CYP2C18: variants seen among roughly 807,000 people sequenced by gnomAD.
CYP2C18 encodes the protein cytochrome P450 2C18.
CYP2C18 carries 38 observed loss-of-function variants against 41.3 expected under a neutral mutation model. The observed-to-expected ratio is 0.92, with a 90% confidence interval of 0.71 to 1.21. CYP2C18 has a LOEUF of 1.21. CYP2C18 is among the 50% of genes most tolerant of loss of function. The pLI is 0.00. For synonymous variants in CYP2C18, 236 were observed against 210.0 expected (o/e 1.12, Z -1.07); for missense variants, 635 against 591.4 (o/e 1.07, Z -0.77).
At chr10:94,727,934 C>T (rs555055172) in intron 7 of CYP2C18, among the ~76,000 whole-genome samples, 1 of 152,208 alleles carries the variant, frequency 6.6e-6, no homozygotes, top group African/African-American at 2.4e-5. Flanking sequence ...CTTTCTCCTA[C>T]ATAATAATAA....
At chr10:94,701,236 T>C (rs978135932) in intron 4 of CYP2C18, among the ~76,000 whole-genome samples, 5 of 152,150 alleles carry the variant, frequency 3.3e-5, no homozygotes, top group Admixed American at 6.5e-5. Context: ...CCAACAATGA[T>C]AGATTGGATT....
chr10:94,698,121 C>T (rs547896396), intron 4 of CYP2C18, among the ~76,000 whole-genome samples: 1 of 152,288 alleles, frequency 6.6e-6, no homozygotes, highest in South Asian at 2.1e-4. Context: ...CAGCTCTGCA[C>T]CAAGCAGACC....
chr10:94,699,431 C>G (rs552635086), intron 4 of CYP2C18, among the ~76,000 whole-genome samples: 27 of 152,256 alleles, frequency 1.8e-4, no homozygotes, highest in Admixed American at 9.8e-4. Context: ...ATTCAACAAC[C>G]CTTCATGCTA....
At chr10:94,695,206 AT>A in intron 4 of CYP2C18, 129 bp downstream of exon 4, 1 of 769,894 alleles carries the variant, frequency 1.3e-6, no homozygotes. Context: ...GGTTTGTCAC[AT>A]GGGTATACAT....
chr10:94,695,677 G>A (rs1847103018), intron 4 of CYP2C18, among the ~76,000 whole-genome samples: 1 of 152,024 alleles, frequency 6.6e-6, no homozygotes, highest in Admixed American at 6.6e-5. Flanking sequence ...GCCAAAGCAG[G>A]GTGAGGCATT....
intron 4 of CYP2C18, among the ~76,000 whole-genome samples, chr10:94,700,535 A>G (rs183024836): frequency 1.2e-3 from 187 of 152,350 alleles, no homozygotes; most frequent in African/African-American, 4.3e-3. Flanking sequence ...AAGAAAACCT[A>G]GGCAATACCA....
At chr10:94,728,269 A>C (rs1847775423) in intron 7 of CYP2C18, among the ~76,000 whole-genome samples, 1 of 152,110 alleles carries the variant, frequency 6.6e-6, no homozygotes, top group African/African-American at 2.4e-5. Context: ...TTTTGGCAAG[A>C]AAGTTACATA....
intron 4 of CYP2C18, among the ~76,000 whole-genome samples, chr10:94,706,411 A>G (rs2134190607): frequency 6.6e-6 from 1 of 152,246 alleles, no homozygotes; most frequent in African/African-American, 2.4e-5. Context: ...GATCTATTTC[A>G]TGTTGTTCAA....
At chr10:94,690,286 C>T (rs1846972482) in intron 3 of CYP2C18, among the ~76,000 whole-genome samples, 1 of 152,162 alleles carries the variant, frequency 6.6e-6, no homozygotes, top group Non-Finnish European at 1.5e-5. Flanking sequence ...GTCTGGTTTT[C>T]AGCTTGGATT....
chr10:94,697,604 T>A (rs1164894271), intron 4 of CYP2C18, among the ~76,000 whole-genome samples: 1 of 152,170 alleles, frequency 6.6e-6, no homozygotes, highest in Admixed American at 6.5e-5. Flanking sequence ...AACATCATAA[T>A]GACAGGATCA....
chr10:94,726,035 G>A (rs1847734521), intron 7 of CYP2C18, among the ~76,000 whole-genome samples: 1 of 151,900 alleles, frequency 6.6e-6, no homozygotes. Context: ...CATAAATTTT[G>A]GTTAAGTGCC....
chr10:94,732,739 G>A (rs1039745747), intron 7 of CYP2C18, among the ~76,000 whole-genome samples: 2 of 151,922 alleles, frequency 1.3e-5, no homozygotes, highest in South Asian at 2.1e-4. Flanking sequence ...TTCTCACAAG[G>A]AGGAGTTAAA....
rs191856104 is a variant in CYP2C18, at chr10:94,692,701, G to A, written c.482-2216G>A. ...TACCCAAAGGATTATAAATTATGCT[G>A]CTATAAAGACACATGCACAGGTATG... On this transcript the variant is annotated intron_variant, in intron 3 of 8. Coordinates refer to ENST00000285979, the MANE Select transcript of CYP2C18 (RefSeq NM_000772.3). 3.4e-4 allele frequency among the ~76,000 whole-genome samples: 51 copies of A among 152,208 alleles called. No individual in the cohort carries two copies. The East Asian group carries it at 8.9e-3, about 26-fold the overall frequency.
chr10:94,717,018 G>A (rs1054950953), intron 5 of CYP2C18, among the ~76,000 whole-genome samples: 4 of 151,630 alleles, frequency 2.6e-5, no homozygotes, highest in Non-Finnish European at 4.4e-5. Flanking sequence ...GCCTTTTTTT[G>A]TTTTCCATTT....
At chr10:94,697,419 C>A (rs915624832) in intron 4 of CYP2C18, among the ~76,000 whole-genome samples, 1 of 152,278 alleles carries the variant, frequency 6.6e-6, no homozygotes, top group East Asian at 1.9e-4. Flanking sequence ...CATTTATAGA[C>A]AAGCAAATGC....
At chr10:94,730,754 G>T (rs953900208) in intron 7 of CYP2C18, among the ~76,000 whole-genome samples, 1 of 152,122 alleles carries the variant, frequency 6.6e-6, no homozygotes, top group African/African-American at 2.4e-5. Flanking sequence ...CTTCACTGAT[G>T]ATATGATTCT....
At chr10:94,724,106 T>C (rs560158180) in intron 6 of CYP2C18, among the ~76,000 whole-genome samples, 1 of 152,060 alleles carries the variant, frequency 6.6e-6, no homozygotes, top group Admixed American at 6.6e-5. Context: ...TTTATATTTG[T>C]ACTGATTATC....
intron 5 of CYP2C18, among the ~76,000 whole-genome samples, chr10:94,709,115 A>G (rs1847391545): frequency 6.6e-6 from 1 of 152,184 alleles, no homozygotes; most frequent in Admixed American, 6.5e-5. Context: ...TTATACAGCA[A>G]CTGTATGCTT....
At position 94,697,148 on chromosome 10, in the gene CYP2C18, C is replaced by T. The variant is rs569424026; in HGVS notation, c.642+2071C>T. ...CAGAGAATGCCACAAAGATACTCCT[C>T]GGGAAGAGCAACTCCAAGACACATA... On this transcript the variant is annotated intron_variant, in intron 4 of 8. Transcript: ENST00000285979. Among the ~76,000 whole-genome samples, 27 of 152,182 alleles carry T rather than the reference C, an allele frequency of 1.8e-4. No individual in the cohort carries two copies. The East Asian group carries it at 3.9e-3, about 22-fold the overall frequency.
Sources: gnomAD v4.1 joint callset for allele counts (sites outside exome capture counted in the v4.1 genomes callset) on GRCh38, gnomAD v4.1.1 for gene constraint, MANE v1.5 for transcripts, NCBI Gene and HGNC (gene_info 2026-07-23, HGNC 2026-07-21) for gene names.